The following VAT1L variants were observed in gnomAD, a reference collection of about 807,000 sequenced individuals.
The protein encoded by VAT1L is putative NADPH-dependent quinone oxidoreductase VAT1L.
Under a neutral mutation model 44.1 loss-of-function variants are expected in VAT1L, and 34 were observed. The ratio of observed to expected loss-of-function variants is 0.77; its 90% confidence interval spans 0.59 to 1.03. The LOEUF (loss-of-function observed/expected upper bound fraction) is 1.03. Ranked by LOEUF, VAT1L falls within the 50% of genes least tolerant of loss-of-function variation. The pLI is 0.00. For missense variants in VAT1L, 615 were observed against 538.8 expected, an observed-to-expected ratio of 1.14 and a Z score of -1.40; for synonymous variants, 253 against 202.2, an observed-to-expected ratio of 1.25 and a Z score of -2.13.
At chr16:77,946,258 T>C (rs1271051273) in intron 7 of VAT1L, among the ~76,000 whole-genome samples, 4 of 149,482 alleles carry the variant, frequency 2.7e-5, no homozygotes, top group African/African-American at 9.8e-5. Flanking sequence ...TCTCCTGTTC[T>C]GGACATCTAG....
intron 7 of VAT1L, among the ~76,000 whole-genome samples, chr16:77,920,866 T>C (rs2017603996): frequency 6.6e-6 from 1 of 152,044 alleles, no homozygotes; most frequent in African/African-American, 2.4e-5. Context: ...GTTCACACAA[T>C]AACAAAACCC....
In VAT1L at chr16:77,893,946, T is replaced by C. The variant is rs550034092; in HGVS notation, c.1077+9144T>C. ...CAAGTACCTTGCATTTATTAACTCATTAAATCCTCATGATTACCCCTAGTG... is the reference window on the plus strand; with the variant it reads ...CAAGTACCTTGCATTTATTAACTCACTAAATCCTCATGATTACCCCTAGTG... On this transcript the variant is annotated intron_variant, in intron 7 of 8. Coordinates refer to ENST00000302536, the MANE Select transcript of VAT1L (RefSeq NM_020927.3). Among the ~76,000 whole-genome samples the C allele has an allele frequency of 6.6e-5, 10 of 152,304 alleles. No individual in the cohort carries two copies. In the East Asian group the frequency reaches 1.9e-3, roughly 29 times the overall value.
At chr16:77,842,800 T>C (rs1356434748) in intron 3 of VAT1L, among the ~76,000 whole-genome samples, 2 of 152,228 alleles carry the variant, frequency 1.3e-5, no homozygotes, top group Non-Finnish European at 2.9e-5. Context: ...GATGAATGAA[T>C]TCCAAGATAA....
intron 7 of VAT1L, among the ~76,000 whole-genome samples, chr16:77,911,279 T>C (rs1015546541): frequency 1.9e-4 from 29 of 152,208 alleles, no homozygotes; most frequent in Admixed American, 2.6e-4. Flanking sequence ...TTGGTTATGA[T>C]AAGGGAGCAG....
At chr16:77,953,506 T>C (rs2018067814) in intron 7 of VAT1L, among the ~76,000 whole-genome samples, 1 of 152,192 alleles carries the variant, frequency 6.6e-6, no homozygotes, top group Non-Finnish European at 1.5e-5. Flanking sequence ...TTTTTTTCAT[T>C]TGACAGAACA....
chr16:77,951,697 G>C (rs181943062), intron 7 of VAT1L, among the ~76,000 whole-genome samples: 160 of 152,256 alleles, frequency 1.1e-3, no homozygotes, highest in African/African-American at 3.6e-3. Context: ...CTGAGCCAGC[G>C]ACATTTGAGG....
chr16:77,963,369 C>T (rs1260809160), intron 7 of VAT1L, among the ~76,000 whole-genome samples: 1 of 152,034 alleles, frequency 6.6e-6, no homozygotes, highest in Non-Finnish European at 1.5e-5. Flanking sequence ...TGGGAGGGAC[C>T]TGCAAGCAAA....
At chr16:77,810,444 T>C (rs541625584) in intron 1 of VAT1L, among the ~76,000 whole-genome samples, 4 of 151,998 alleles carry the variant, frequency 2.6e-5, no homozygotes, top group African/African-American at 9.7e-5. Flanking sequence ...GGTAATGGAG[T>C]ATAAGGATTT....
In VAT1L at chr16:77,788,813, C is replaced by T. The variant is rs748130621; in HGVS notation, c.131C>T (p.Ala44Val). 4 of 1,576,320 alleles carry T rather than the reference C, an allele frequency of 2.5e-6. No individual in the cohort carries two copies. Among genetic ancestry groups the T allele is most frequent in the Non-Finnish European group, 3.4e-6 (4 of 1,162,190 alleles). The change falls in exon 1 of 9, where the codon GCG becomes GTG. Residue 44 changes from alanine to valine, a missense_variant. Transcript: ENST00000302536. ...HRLGDAQEMR[A>V]VVLAGFGGLN... ...CTCGGGGACGCCCAGGAGATGCGCG[C>T]GGTGGTGCTGGCTGGCTTCGGGGGG...
chr16:77,796,560 A>G (rs76606743), intron 1 of VAT1L, among the ~76,000 whole-genome samples: 10,403 of 152,236 alleles, frequency 0.068, 486 homozygotes, highest in East Asian at 0.16. Context: ...CAACTTATCT[A>G]CTTCCTCACT....
At chr16:77,931,760 A>G (rs2017733804) in intron 7 of VAT1L, among the ~76,000 whole-genome samples, 1 of 152,240 alleles carries the variant, frequency 6.6e-6, no homozygotes, top group Non-Finnish European at 1.5e-5. Flanking sequence ...AGCTGGAAAA[A>G]TATATATTGA....
intron 1 of VAT1L, among the ~76,000 whole-genome samples, chr16:77,809,684 A>G (rs1020941458): frequency 6.6e-6 from 1 of 152,226 alleles, no homozygotes; most frequent in Admixed American, 6.5e-5. Flanking sequence ...CTATGGGTAG[A>G]GGGAGGGGAT....
At chr16:77,925,424 A>G (rs1371041265) in intron 7 of VAT1L, among the ~76,000 whole-genome samples, 3 of 152,192 alleles carry the variant, frequency 2.0e-5, no homozygotes, top group Non-Finnish European at 4.4e-5. Flanking sequence ...ACCATTTACA[A>G]AATCAAGCTA....
intron 3 of VAT1L, among the ~76,000 whole-genome samples, chr16:77,841,172 C>A (rs544126158): frequency 6.6e-6 from 1 of 152,324 alleles, no homozygotes; most frequent in South Asian, 2.1e-4. Flanking sequence ...TCTCAACTTT[C>A]TGGGCTCAAA....
At chr16:77,805,865 CTTTTTT>C (rs10689119) in intron 1 of VAT1L, among the ~76,000 whole-genome samples, 1 of 78,838 alleles carries the variant, frequency 1.3e-5, no homozygotes, top group Non-Finnish European at 2.8e-5. Context: ...TAGTCTCTGC[CTTTTTT>C]TTTTTTTTTG....
chr16:77,951,754 G>A (rs1386423103), intron 7 of VAT1L, among the ~76,000 whole-genome samples: 3 of 151,960 alleles, frequency 2.0e-5, no homozygotes, highest in Non-Finnish European at 4.4e-5. Context: ...AAAGGACTTC[G>A]GGGTGGCTGA....
intron 3 of VAT1L, among the ~76,000 whole-genome samples, chr16:77,847,262 A>G (rs577451042): frequency 2.0e-5 from 3 of 152,018 alleles, no homozygotes; most frequent in African/African-American, 7.2e-5. Flanking sequence ...ATGTGCCTTT[A>G]CTTCTTTTGT....
chr16:77,839,193 A>G (rs1011548983), intron 3 of VAT1L, among the ~76,000 whole-genome samples: 16 of 151,934 alleles, frequency 1.1e-4, no homozygotes, highest in South Asian at 2.1e-4. Flanking sequence ...GGGGGAGGGA[A>G]TGAGAGGTGA....
At chr16:77,874,001 A>G (rs2017060946) in intron 4 of VAT1L, among the ~76,000 whole-genome samples, 1 of 151,976 alleles carries the variant, frequency 6.6e-6, no homozygotes, top group African/African-American at 2.4e-5. Flanking sequence ...AGTCCAGCGG[A>G]CAGAGCAACA....
Sources: allele counts gnomAD v4.1 joint callset (sites outside exome capture counted in the v4.1 genomes callset), GRCh38; gene constraint gnomAD v4.1.1; transcripts MANE v1.5; gene names NCBI Gene and HGNC (gene_info 2026-07-23, HGNC 2026-07-21).